The following MELK variants were observed in gnomAD, a reference collection of about 807,000 sequenced individuals.
The protein encoded by MELK is maternal embryonic leucine zipper kinase.
In MELK, 81 loss-of-function variants were observed where a neutral mutation model predicts 85.0. The ratio of observed to expected loss-of-function variants is 0.95; its 90% CI spans 0.80 to 1.15. MELK has a LOEUF of 1.15. Ranked by LOEUF, MELK falls within the 50% of genes most tolerant of loss-of-function variation. The pLI is 0.00. For synonymous variants in MELK, 252 were observed against 265.0 expected, an observed-to-expected ratio of 0.95 and a Z score of 0.48; for missense variants, 754 against 777.5, an observed-to-expected ratio of 0.97 and a Z score of 0.36.
intron 8 of MELK, among the ~76,000 whole-genome samples, chr9:36,626,964 GAAAAAAA>G (rs1045934255): frequency 1.5e-4 from 9 of 60,848 alleles, no homozygotes; most frequent in Non-Finnish European, 2.2e-4. Context: ...ATCTCAAGAA[GAAAAAAA>G]AAAAAAAAAA....
intron 1 of MELK, among the ~76,000 whole-genome samples, chr9:36,579,733 A>T (rs944635972): frequency 1.3e-5 from 2 of 152,216 alleles, no homozygotes; most frequent in African/African-American, 4.8e-5. Context: ...CACAAGTAAG[A>T]TGGAGATGGT....
chr9:36,631,553 A>G (rs1309350454), intron 9 of MELK, among the ~76,000 whole-genome samples: 3 of 151,810 alleles, frequency 2.0e-5, no homozygotes, highest in Non-Finnish European at 4.4e-5. Context: ...GGTGTGAGCC[A>G]CCGCACCCAG....
At chr9:36,633,327 C>T in intron 10 of MELK, 127 bp downstream of exon 10, 1 of 647,708 alleles carries the variant, frequency 1.5e-6, no homozygotes, top group Non-Finnish European at 2.6e-6. Context: ...GTTTGGGAGA[C>T]TTGTAACCTA....
At chr9:36,651,901 C>T (rs2137254791) in intron 12 of MELK, 24 bp downstream of exon 12, 3 of 1,605,102 alleles carry the variant, frequency 1.9e-6, no homozygotes, top group Middle Eastern at 1.7e-4. Flanking sequence ...CCTGTTGTGT[C>T]TTGCCACGTG....
chr9:36,574,268 T>TA (rs950800405), intron 1 of MELK, among the ~76,000 whole-genome samples: 102 of 151,994 alleles, frequency 6.7e-4, no homozygotes, highest in African/African-American at 2.4e-3. Flanking sequence ...GGATGCTAAT[T>TA]AAATGTGTTA....
chr9:36,627,053 A>AACATACACACAC (rs150897870), intron 8 of MELK, among the ~76,000 whole-genome samples: 1 of 140,872 alleles, frequency 7.1e-6, no homozygotes, highest in African/African-American at 2.6e-5. Context: ...CACAAGCGCA[A>AACATACACACAC]ACACACACAC....
At chr9:36,624,478 C>T (rs1254889590) in intron 8 of MELK, among the ~76,000 whole-genome samples, 1 of 152,178 alleles carries the variant, frequency 6.6e-6, no homozygotes, top group Non-Finnish European at 1.5e-5. Context: ...TATATGACTC[C>T]AATCCATTCC....
chr9:36,573,530 A>C (rs2134619884), intron 1 of MELK, among the ~76,000 whole-genome samples: 1 of 152,004 alleles, frequency 6.6e-6, no homozygotes, highest in South Asian at 2.1e-4. Context: ...TTCAAGACGG[A>C]GTTTCGCTCT....
intron 11 of MELK, among the ~76,000 whole-genome samples, chr9:36,647,933 G>A (rs1830372326): frequency 6.6e-6 from 1 of 152,032 alleles, no homozygotes; most frequent in Non-Finnish European, 1.5e-5. Flanking sequence ...TATGATCGTG[G>A]CCATCTAAGT....
intron 8 of MELK, among the ~76,000 whole-genome samples, chr9:36,627,524 CTTT>C (rs150933274): frequency 6.7e-5 from 9 of 134,472 alleles, no homozygotes; most frequent in Admixed American, 7.6e-5. Flanking sequence ...CTCTCTCTCT[CTTT>C]TTTTTTTTTT....
intron 4 of MELK, among the ~76,000 whole-genome samples, chr9:36,590,023 G>A (rs1387007848): frequency 4.0e-5 from 6 of 148,762 alleles, no homozygotes; most frequent in African/African-American, 1.2e-4. Context: ...CCGAGTTCAC[G>A]CCATTCTCCT....
At chr9:36,617,361 C>T (rs1826938804) in intron 8 of MELK, among the ~76,000 whole-genome samples, 2 of 150,792 alleles carry the variant, frequency 1.3e-5, no homozygotes, top group African/African-American at 4.9e-5. Context: ...GAGACAGGGT[C>T]TTGCTCTGTC....
At chr9:36,595,599 T>A (rs375606380) in intron 5 of MELK, among the ~76,000 whole-genome samples, 1 of 123,416 alleles carries the variant, frequency 8.1e-6, no homozygotes, top group South Asian at 2.6e-4. Flanking sequence ...ACTTTATAAA[T>A]GTCTTGTTTT....
chr9:36,592,267 C>T (rs576212542), intron 4 of MELK, among the ~76,000 whole-genome samples: 2 of 151,524 alleles, frequency 1.3e-5, no homozygotes, highest in African/African-American at 2.4e-5. Flanking sequence ...CTCCGCCTCC[C>T]GGGTTCAAGT....
intron 11 of MELK, among the ~76,000 whole-genome samples, chr9:36,643,884 A>C (rs947402378): frequency 6.6e-6 from 1 of 151,464 alleles, no homozygotes; most frequent in Non-Finnish European, 1.5e-5. Context: ...CAGTGAGCCA[A>C]GATCACGCCA....
intron 8 of MELK, among the ~76,000 whole-genome samples, chr9:36,614,424 G>GTTTTTT (rs1399561249): frequency 1.9e-4 from 9 of 47,050 alleles, no homozygotes; most frequent in African/African-American, 9.1e-4. Flanking sequence ...ATTATTTTTG[G>GTTTTTT]GTTTTTTTTT....
intron 11 of MELK, among the ~76,000 whole-genome samples, chr9:36,648,639 A>G (rs762610121): frequency 6.6e-6 from 1 of 152,216 alleles, no homozygotes; most frequent in Non-Finnish European, 1.5e-5. Context: ...GAGAACGCTG[A>G]AACCAGGATT....
chr9:36,604,062 C>T (rs539126471), intron 7 of MELK, among the ~76,000 whole-genome samples: 5 of 151,440 alleles, frequency 3.3e-5, no homozygotes, highest in East Asian at 1.9e-4. Context: ...CTCTGCCTCC[C>T]GAGTTCAAGC....
In MELK at chr9:36,621,275, G is replaced by GAAAAAAAAAAAAAAAAA. The variant is rs74181196; in HGVS notation, c.667-8998_667-8982dup. ...TGACAGAGTGAGACTCTGTCTCAGG[G>GAAAAAAAAAAAAAAAAA]AAAAAAAAAAAAAAAAAAAAAAAAA... On this transcript the variant is annotated intron_variant, in intron 8 of 17. Transcript: ENST00000298048. Among the ~76,000 whole-genome samples the GAAAAAAAAAAAAAAAAA allele has an allele frequency of 5.2e-4, 17 of 32,446 alleles. 4 individuals carry two copies. The highest frequency in any genetic ancestry group is 1.1e-3 in the Non-Finnish European group (12 of 11,224). The allele number at this position is 32,446 out of a possible 152,430, so 21.3% of individuals were successfully genotyped here.
Sources: gnomAD v4.1 joint callset for allele counts (sites outside exome capture counted in the v4.1 genomes callset) on GRCh38, gnomAD v4.1.1 for gene constraint, MANE v1.5 for transcripts, NCBI Gene and HGNC (gene_info 2026-07-23, HGNC 2026-07-21) for gene names.